The following OSBPL6 variants were observed in gnomAD, a reference collection of about 807,000 sequenced individuals.
The protein encoded by OSBPL6 is oxysterol binding protein like 6, also known as oxysterol-binding protein-related protein 6.
In OSBPL6, 49 loss-of-function variants were observed where a neutral mutation model predicts 125.8. The observed-to-expected ratio is 0.39, with a 90% CI of 0.31 to 0.49. OSBPL6 has a LOEUF of 0.49. OSBPL6 is among the 20% of genes least tolerant of loss of function. The pLI, the probability that OSBPL6 is intolerant of heterozygous loss-of-function variation, is 0.88. For synonymous variants in OSBPL6, 394 were observed against 391.8 expected (o/e 1.01, Z -0.07); for missense variants, 986 against 1,135.4 (o/e 0.87, Z 1.89).
chr2:178,215,662 G>A (rs1422672661), intron 1 of OSBPL6, among the ~76,000 whole-genome samples: 1 of 152,022 alleles, frequency 6.6e-6, no homozygotes, highest in Non-Finnish European at 1.5e-5. Flanking sequence ...TTAGGGAGAG[G>A]AATCTGGTGA....
chr2:178,324,143 T>C, intron 3 of OSBPL6, 34 bp from the exon 4 acceptor site: 1 of 1,371,436 alleles, frequency 7.3e-7, no homozygotes, highest in Non-Finnish European at 1.0e-6. Context: ...AAGTGAGTTG[T>C]CTAACCCTGG....
At chr2:178,278,946 A>G (rs1198849073) in intron 1 of OSBPL6, among the ~76,000 whole-genome samples, 1 of 152,234 alleles carries the variant, frequency 6.6e-6, no homozygotes, top group African/African-American at 2.4e-5. Flanking sequence ...GTTGAACCCT[A>G]AATTAAGACC....
chr2:178,280,182 G>A (rs1007155947), intron 1 of OSBPL6, among the ~76,000 whole-genome samples: 5 of 152,014 alleles, frequency 3.3e-5, no homozygotes, highest in African/African-American at 1.2e-4. Context: ...TGGCAATAGA[G>A]TGAGATCTGT....
chr2:178,274,599 G>A (rs565762988), intron 1 of OSBPL6, among the ~76,000 whole-genome samples: 12 of 152,090 alleles, frequency 7.9e-5, no homozygotes, highest in Admixed American at 5.2e-4. Flanking sequence ...TTAGGCCTCC[G>A]GTCTTTACCA....
chr2:178,333,147 C>A, intron 8 of OSBPL6, 106 bp downstream of exon 8: 1 of 1,260,744 alleles, frequency 7.9e-7, no homozygotes, highest in Non-Finnish European at 1.1e-6. Flanking sequence ...CTTTGGGAGG[C>A]CAAGGCGGGT....
intron 1 of OSBPL6, among the ~76,000 whole-genome samples, chr2:178,195,612 C>T (rs569186139): frequency 6.6e-6 from 1 of 152,326 alleles, no homozygotes; most frequent in African/African-American, 2.4e-5. Context: ...GTTGCTTAAA[C>T]ATAGAGACCT....
intron 18 of OSBPL6, among the ~76,000 whole-genome samples, chr2:178,385,089 G>C (rs944021361): frequency 2.0e-5 from 3 of 152,134 alleles, no homozygotes; most frequent in Non-Finnish European, 2.9e-5. Context: ...CTGTTGGGGG[G>C]TGGCGAGCAA....
At chr2:178,318,584 G>C (rs1687969213) in intron 3 of OSBPL6, among the ~76,000 whole-genome samples, 1 of 151,870 alleles carries the variant, frequency 6.6e-6, no homozygotes, top group South Asian at 2.1e-4. Context: ...TGCATCTTCT[G>C]CTGCAGGCAT....
intron 1 of OSBPL6, among the ~76,000 whole-genome samples, chr2:178,280,467 T>C (rs1286780529): frequency 6.6e-6 from 1 of 152,192 alleles, no homozygotes; most frequent in East Asian, 1.9e-4. Flanking sequence ...TCAGTCCCCC[T>C]GGAGGTTATA....
chr2:178,235,493 G>A (rs1424510653), intron 1 of OSBPL6, among the ~76,000 whole-genome samples: 1 of 141,126 alleles, frequency 7.1e-6, no homozygotes, highest in Non-Finnish European at 1.5e-5. Flanking sequence ...TGCAACCTCT[G>A]CCTCCTGGGT....
At chr2:178,298,028 C>T (rs1436536725) in intron 2 of OSBPL6, among the ~76,000 whole-genome samples, 1 of 152,218 alleles carries the variant, frequency 6.6e-6, no homozygotes. Context: ...TTTCCTCCTC[C>T]TTACAGACCC....
At chr2:178,286,837 T>C (rs1373226538) in intron 2 of OSBPL6, among the ~76,000 whole-genome samples, 2 of 152,192 alleles carry the variant, frequency 1.3e-5, no homozygotes, top group Admixed American at 6.5e-5. Flanking sequence ...GCCCTCTATA[T>C]GTGCAGAGCT....
intron 1 of OSBPL6, among the ~76,000 whole-genome samples, chr2:178,199,418 A>G (rs1221425826): frequency 6.6e-6 from 1 of 152,046 alleles, no homozygotes; most frequent in Admixed American, 6.6e-5. Context: ...TTTACTGCTA[A>G]GTGTTTTTCT....
intron 2 of OSBPL6, among the ~76,000 whole-genome samples, chr2:178,298,828 A>G (rs538348938): frequency 6.6e-6 from 1 of 151,798 alleles, no homozygotes; most frequent in South Asian, 2.1e-4. Flanking sequence ...GCTTTAGCCA[A>G]CTCCTCAGAA....
rs562322457 is a variant in OSBPL6 at position 178,336,180 on chromosome 2, C to A, written c.658-121C>A. 2.0e-5 allele frequency: 26 copies of A among 1,273,812 alleles called. No individual in the cohort carries two copies. The African/African-American group carries it at 3.0e-4, about 15-fold the overall frequency. 78.9% of individuals were successfully genotyped at this position (1,273,812 alleles called of 1,614,324 possible). On this transcript the variant is annotated intron_variant, in intron 8 of 24. Coordinates refer to ENST00000190611, the MANE Select transcript of OSBPL6 (RefSeq NM_032523.4). ...CCACATTTAGCCAAGAGGCTTCTTC[C>A]ATGTTTTGAGTGTGCATTTTCTTCC...
intron 12 of OSBPL6, among the ~76,000 whole-genome samples, chr2:178,359,540 T>A (rs1326639871): frequency 3.3e-5 from 5 of 152,138 alleles, no homozygotes; most frequent in Non-Finnish European, 7.4e-5. Context: ...GACCCAGCAG[T>A]CCCTCTTCTG....
intron 1 of OSBPL6, among the ~76,000 whole-genome samples, chr2:178,235,216 A>T (rs1029437577): frequency 5.3e-5 from 8 of 152,090 alleles, no homozygotes; most frequent in Non-Finnish European, 1.2e-4. Context: ...ATTGGTCCTG[A>T]TGCATGAATT....
rs555045691 is a variant in OSBPL6 at position 178,368,276 on chromosome 2, G to A, written c.1288-3850G>A. 5.0e-4 allele frequency among the ~76,000 whole-genome samples: 76 copies of A among 152,276 alleles called. 3 individuals are homozygous for A. In the South Asian group the frequency reaches 0.016, roughly 31 times the overall value. ...GCCTGTACGATCAAGGCAAAAGGGG[G>A]AGGATGCGCAGAAAGGGGCTGTTGC... On this transcript the variant is annotated intron_variant, in intron 13 of 24. Transcript: ENST00000190611.
At position 178,294,007 on chromosome 2, in the gene OSBPL6, G is replaced by C. The variant is rs539481652; in HGVS notation, c.-156+8886G>C. Among the ~76,000 whole-genome samples, 13 of 152,044 alleles carry C rather than the reference G, an allele frequency of 8.6e-5. No homozygotes were observed. The South Asian group carries it at 2.3e-3, about 27-fold the overall frequency. On this transcript the variant is annotated intron_variant, in intron 2 of 24. Transcript: ENST00000190611. ...TTATAAAACTTTTAGAAAAAAATAG[G>C]AGAAAATCTTTAGGATCTAGGACTT...
Sources: allele counts gnomAD v4.1 joint callset (sites outside exome capture counted in the v4.1 genomes callset), GRCh38; gene constraint gnomAD v4.1.1; transcripts MANE v1.5; gene names NCBI Gene and HGNC (gene_info 2026-07-23, HGNC 2026-07-21).